Variants in LARP1 observed in about 807,000 individuals in gnomAD.
LARP1 encodes the protein la-related protein 1.
A neutral mutation model predicts 122.7 loss-of-function variants in LARP1; 36 were observed. That is an observed-to-expected ratio of 0.29 (90% confidence interval 0.22 to 0.39). LARP1 has a LOEUF of 0.39. Among genes scored for constraint, LARP1 ranks in the 10% least tolerant of loss-of-function variants. The pLI, the probability that LARP1 is intolerant of heterozygous loss-of-function variation, is 1.00. For missense variants in LARP1, 1,040 were observed against 1,403.6 expected, an observed-to-expected ratio of 0.74 and a Z score of 4.14; for synonymous variants, 539 against 528.7, an observed-to-expected ratio of 1.02 and a Z score of -0.27.
chr5:154,790,832 CCCCCAACAGAGTTTCA>C, intron 3 of LARP1, 122 bp downstream of exon 3: 1 of 917,464 alleles, frequency 1.1e-6, no homozygotes, highest in Non-Finnish European at 1.7e-6. Context: ...CTTTTTTTTC[CCCCCAACAGAGTTTCA>C]CTCTTTTTGC....
At chr5:154,798,012 C>A (rs1758029557) in intron 8 of LARP1, among the ~76,000 whole-genome samples, 1 of 152,180 alleles carries the variant, frequency 6.6e-6, no homozygotes, top group Non-Finnish European at 1.5e-5. Flanking sequence ...TCCACTACCA[C>A]TGAAAACAGT....
chr5:154,799,434 A>G (rs1442859804), intron 8 of LARP1, among the ~76,000 whole-genome samples, 157 bp from the exon 9 acceptor site: 7 of 152,182 alleles, frequency 4.6e-5, no homozygotes, highest in Admixed American at 4.6e-4. Context: ...AACATCTCAC[A>G]TTATCTACCA....
intron 1 of LARP1, among the ~76,000 whole-genome samples, chr5:154,686,911 C>G (rs962996524): frequency 9.2e-5 from 14 of 152,220 alleles, no homozygotes; most frequent in African/African-American, 3.4e-4. Context: ...GAAGGAACTT[C>G]AGGCCAAGAA....
intron 1 of LARP1, among the ~76,000 whole-genome samples, chr5:154,690,786 G>A (rs1230467581): frequency 6.6e-6 from 1 of 152,220 alleles, no homozygotes; most frequent in Non-Finnish European, 1.5e-5. Context: ...TGCGACAACG[G>A]CCTGGCGGGA....
At chr5:154,734,647 G>A (rs771134259) in intron 1 of LARP1, among the ~76,000 whole-genome samples, 28 of 151,980 alleles carry the variant, frequency 1.8e-4, no homozygotes, top group Non-Finnish European at 3.7e-4. Flanking sequence ...TTGGTTTTGG[G>A]TTTTTTTAAT....
intron 1 of LARP1, among the ~76,000 whole-genome samples, chr5:154,768,042 G>A (rs921325470): frequency 1.3e-5 from 2 of 152,178 alleles, no homozygotes; most frequent in African/African-American, 4.8e-5. Flanking sequence ...TGCTTGTCTT[G>A]AAATACAGAA....
intron 1 of LARP1, among the ~76,000 whole-genome samples, chr5:154,778,042 A>C (rs1377067123): frequency 6.6e-6 from 1 of 152,102 alleles, no homozygotes; most frequent in Non-Finnish European, 1.5e-5. Context: ...CAGGCGGATC[A>C]CAAGTTCAGG....
chr5:154,701,284 T>C (rs1754700014), intron 1 of LARP1, among the ~76,000 whole-genome samples: 1 of 152,204 alleles, frequency 6.6e-6, no homozygotes, highest in Non-Finnish European at 1.5e-5. Flanking sequence ...ATCCTATCAC[T>C]TCGTTTGTCT....
chr5:154,809,779 A>C, intron 16 of LARP1, among the ~76,000 whole-genome samples: 1 of 144,630 alleles, frequency 6.9e-6, no homozygotes, highest in Non-Finnish European at 1.5e-5. Flanking sequence ...GCCTCACTGC[A>C]ACCTCCACCT....
intron 10 of LARP1, among the ~76,000 whole-genome samples, chr5:154,801,687 C>A (rs978219351): frequency 1.3e-5 from 2 of 152,136 alleles, no homozygotes; most frequent in African/African-American, 4.8e-5. Flanking sequence ...TTCTGTGTGT[C>A]CACTCCTAAG....
At chr5:154,806,588 C>G (rs1482082119) in intron 15 of LARP1, among the ~76,000 whole-genome samples, 2 of 152,232 alleles carry the variant, frequency 1.3e-5, no homozygotes, top group Non-Finnish European at 2.9e-5. Context: ...GATCCCCTCT[C>G]TAGATGATAG....
At chr5:154,796,931 T>C (rs914177226) in intron 8 of LARP1, among the ~76,000 whole-genome samples, 1 of 152,194 alleles carries the variant, frequency 6.6e-6, no homozygotes, top group African/African-American at 2.4e-5. Flanking sequence ...CATTTGTTAT[T>C]ATAAGCTTAT....
At chr5:154,755,348 G>C (rs988028204), upstream of LARP1, among the ~76,000 whole-genome samples, 71 of 150,380 alleles carry the variant, frequency 4.7e-4, no homozygotes, top group African/African-American at 1.6e-3. Context: ...CGCGTGGTCT[G>C]CTTGGCTCGC....
chr5:154,799,848 A>C (rs866220044), intron 9 of LARP1, 25 bp from the exon 10 acceptor site: 1 of 1,612,174 alleles, frequency 6.2e-7, no homozygotes, highest in Non-Finnish European at 8.5e-7. Flanking sequence ...TGGAGGGATG[A>C]GGACTTCCCC....
At chr5:154,755,257 G>GT (rs1450908412), upstream of LARP1, among the ~76,000 whole-genome samples, 10 of 394 alleles carry the variant, frequency 0.025, no homozygotes, top group African/African-American at 0.052. Context: ...GGCCCGGCCA[G>GT]CGGCGCGCCC....
chr5:154,703,146 AAGAG>A (rs1481708412), intron 1 of LARP1, among the ~76,000 whole-genome samples: 1 of 150,786 alleles, frequency 6.6e-6, no homozygotes, highest in Non-Finnish European at 1.5e-5. Flanking sequence ...AAAAAAAAAA[AAGAG>A]AGGACACTGG....
chr5:154,733,196 C>T (rs923521485), intron 1 of LARP1, among the ~76,000 whole-genome samples: 4 of 152,092 alleles, frequency 2.6e-5, no homozygotes, highest in African/African-American at 9.7e-5. Context: ...ATTGTTTGAC[C>T]AATTTAAGTA....
chr5:154,784,935 G>A (rs1756763559), intron 1 of LARP1, among the ~76,000 whole-genome samples: 1 of 152,226 alleles, frequency 6.6e-6, no homozygotes, highest in Non-Finnish European at 1.5e-5. Context: ...GGCTGAGAGA[G>A]ACTCCTTGAG....
At position 154,800,011 on chromosome 5, in the gene LARP1, A is replaced by G; in HGVS notation, c.1685A>G (p.Lys562Arg). 1 of 1,614,044 alleles carries G rather than the reference A, an allele frequency of 6.2e-7. No individual in the cohort carries two copies. Among genetic ancestry groups the G allele is most frequent in the Non-Finnish European group, 8.5e-7 (1 of 1,180,020 alleles). ...LDSENWIEVKKRPRPSPARPK... is the reference protein window; with the variant it reads ...LDSENWIEVKRRPRPSPARPK... ...TCTGAGAACTGGATTGAAGTGAAGAAGAGGCCTCGGCCATCCCCAGCACGG... is the reference window on the plus strand; with the variant it reads ...TCTGAGAACTGGATTGAAGTGAAGAGGAGGCCTCGGCCATCCCCAGCACGG... The change falls in exon 10 of 19, where the codon AAG becomes AGG. Residue 562 changes from lysine to arginine, a missense_variant. Around this residue, in one of 8 missense-constraint regions of LARP1, gnomAD observed 362 missense variants for 533.1 expected, o/e 0.68. Coordinates refer to ENST00000518297, the MANE Select transcript of LARP1 (RefSeq NM_033551.3).
Sources: allele counts gnomAD v4.1 joint callset (sites outside exome capture counted in the v4.1 genomes callset), GRCh38; gene constraint gnomAD v4.1.1; regional missense constraint gnomAD v4.1.1; transcripts MANE v1.5; gene names NCBI Gene and HGNC (gene_info 2026-07-23, HGNC 2026-07-21).